The following ADD1 variants were observed in gnomAD, a reference collection of about 807,000 sequenced individuals.
ADD1 encodes the protein adducin 1, also known as alpha-adducin.
In ADD1, 24 loss-of-function variants were observed where a neutral mutation model predicts 80.5. That is an observed-to-expected ratio of 0.30 (90% CI 0.22 to 0.42). The LOEUF is 0.42. ADD1 is among the 10% of genes least tolerant of loss of function. The pLI is 1.00. For synonymous variants in ADD1, 373 were observed against 393.8 expected (o/e 0.95, Z 0.63); for missense variants, 948 against 1,019.0 (o/e 0.93, Z 0.95).
chr4:2,915,532 T>A (rs899809674), intron 14 of ADD1, among the ~76,000 whole-genome samples: 2 of 152,156 alleles, frequency 1.3e-5, no homozygotes, highest in Admixed American at 1.3e-4. Flanking sequence ...TCCCAGCTAC[T>A]TGGGAGGCTG....
chr4:2,880,092 A>G (rs1300855195), intron 2 of ADD1, among the ~76,000 whole-genome samples: 1 of 152,004 alleles, frequency 6.6e-6, no homozygotes, highest in Non-Finnish European at 1.5e-5. Context: ...AATAATCACC[A>G]TGTTTTGTTT....
At chr4:2,852,207 C>CCTGTCCTTT (rs1727294190) in intron 1 of ADD1, among the ~76,000 whole-genome samples, 1 of 66,102 alleles carries the variant, frequency 1.5e-5, no homozygotes, top group Non-Finnish European at 3.0e-5. Flanking sequence ...TCCTTTCTTT[C>CCTGTCCTTT]CTTTCCTTTC....
chr4:2,867,323 C>T (rs1189387436), intron 1 of ADD1, among the ~76,000 whole-genome samples: 1 of 152,156 alleles, frequency 6.6e-6, no homozygotes, highest in Admixed American at 6.5e-5. Context: ...TTTTACTTTA[C>T]AGGTGAGGTA....
intron 1 of ADD1, among the ~76,000 whole-genome samples, chr4:2,860,317 CCTT>C (rs1728664886): frequency 6.6e-6 from 1 of 152,212 alleles, no homozygotes; most frequent in East Asian, 1.9e-4. Context: ...AAACATAAGA[CCTT>C]CTTAATTCAG....
intron 1 of ADD1, among the ~76,000 whole-genome samples, chr4:2,845,750 CTG>C (rs1726104406): frequency 6.6e-6 from 1 of 152,122 alleles, no homozygotes; most frequent in East Asian, 1.9e-4. Context: ...GCCATAAAAA[CTG>C]TTTATTTACA....
At position 2,908,599 on chromosome 4, in the gene ADD1, G is replaced by A. The variant is rs957911196; in HGVS notation, c.1693G>A (p.Val565Ile). 25 of 1,613,930 alleles carry A rather than the reference G, an allele frequency of 1.5e-5. No individual in the cohort carries two copies. Among genetic ancestry groups the A allele is most frequent in the East Asian group, 2.2e-5 (1 of 44,896 alleles). The change falls in exon 12 of 16, where the codon GTC becomes ATC. Residue 565 changes from valine (V) to isoleucine (I), a missense_variant. By Grantham distance (29) the Val-to-Ile change is conservative. Coordinates refer to ENST00000683351, the MANE Select transcript of ADD1 (RefSeq NM_001354761.2). ...LCGVVMDRSL[V>I]QDAPLSDCTE... ...TGGTGTAGTGATGGACAGGAGCCTC[G>A]TCCAGGTGAGAGCCCAGAGTGTCTC...
At chr4:2,870,941 T>G (rs1387080234) in intron 1 of ADD1, among the ~76,000 whole-genome samples, 1 of 34,860 alleles carries the variant, frequency 2.9e-5, no homozygotes, top group Non-Finnish European at 5.7e-5. Context: ...CTGCATGCTG[T>G]TTTTTTTGTA....
chr4:2,900,350 T>A (rs1291446340), intron 9 of ADD1: 1 of 152,404 alleles, frequency 6.6e-6, no homozygotes, highest in African/African-American at 2.4e-5. Context: ...CTGGAACAGA[T>A]CCCTTCCATG....
chr4:2,911,366 G>A (rs1737987955), intron 13 of ADD1, among the ~76,000 whole-genome samples: 1 of 151,936 alleles, frequency 6.6e-6, no homozygotes, highest in South Asian at 2.1e-4. Flanking sequence ...TCAAACAGGA[G>A]TTCGCAGCCC....
chr4:2,871,947 G>T (rs548048278), intron 1 of ADD1, among the ~76,000 whole-genome samples: 7 of 152,178 alleles, frequency 4.6e-5, no homozygotes, highest in African/African-American at 1.7e-4. Flanking sequence ...CCACATATTA[G>T]TTCTCAGATT....
chr4:2,862,792 A>G (rs550815166), intron 1 of ADD1, among the ~76,000 whole-genome samples: 2 of 152,334 alleles, frequency 1.3e-5, no homozygotes, highest in African/African-American at 2.4e-5. Flanking sequence ...CCCTGCAGGA[A>G]TGTAAGAAAT....
intron 13 of ADD1, among the ~76,000 whole-genome samples, chr4:2,914,427 C>T (rs1738628202): frequency 6.6e-6 from 1 of 152,208 alleles, no homozygotes; most frequent in Non-Finnish European, 1.5e-5. Context: ...ACAGAACTTA[C>T]CTGTGCTCTT....
At chr4:2,913,543 G>A (rs139347313) in intron 13 of ADD1, among the ~76,000 whole-genome samples, 604 of 152,302 alleles carry the variant, frequency 4.0e-3, no homozygotes, top group Non-Finnish European at 7.4e-3. Context: ...ACTGTCGAGA[G>A]TCTCCAGGCT....
Position 2,926,423 on chromosome 4 carries a change from C to T in ADD1, c.2047+311C>T, listed in dbSNP as rs1177033728. On this transcript the variant is annotated intron_variant, in intron 15 of 15. Transcript: ENST00000683351. The surrounding 1 kb of genome is among the most constrained non-coding windows in gnomAD (Gnocchi z 5.0). ...CGTGTTGTCATGCAGATGCCACCTT[C>T]GGAGGTGCCCTCCGCTGTGTGAGCC... is the stretch of plus-strand genomic sequence containing the variant. 6 of 692,418 alleles carry T rather than the reference C, an allele frequency of 8.7e-6. No individual in the cohort carries two copies. The highest frequency in any genetic ancestry group is 3.1e-5 in the South Asian group (2 of 64,816). 42.9% of individuals were successfully genotyped at this position (692,418 alleles called of 1,614,324 possible).
chr4:2,869,881 T>C lies in ADD1; in HGVS notation c.-20-6015T>C, dbSNP rs140384718. On this transcript the variant is annotated intron_variant, in intron 1 of 15. Coordinates refer to ENST00000683351, the MANE Select transcript of ADD1 (RefSeq NM_001354761.2). ...GTCGGGTGCCAGGTGGCCAAGGACA[T>C]TACCAGGGGATACCACTTTCATTAT... Among the ~76,000 whole-genome samples the C allele has an allele frequency of 1.1e-3, 166 of 152,294 alleles. 1 individual carries two copies. The highest frequency in any genetic ancestry group is 3.6e-3 in the Admixed American group (55 of 15,286).
intron 14 of ADD1, among the ~76,000 whole-genome samples, chr4:2,924,963 GT>G (rs969006477): frequency 1.3e-5 from 2 of 152,180 alleles, no homozygotes; most frequent in Non-Finnish European, 2.9e-5. Flanking sequence ...GATATGTGGA[GT>G]TTCCCCCCGA....
chr4:2,881,222 C>G (rs756904334), intron 2 of ADD1, among the ~76,000 whole-genome samples: 1 of 151,588 alleles, frequency 6.6e-6, no homozygotes, highest in South Asian at 2.1e-4. Context: ...GGATTACAGG[C>G]GCCCACCACC....
At chr4:2,899,157 T>C (rs1248669114) in intron 8 of ADD1, 102 bp from the exon 9 acceptor site, 4 of 1,178,848 alleles carry the variant, frequency 3.4e-6, no homozygotes, top group Non-Finnish European at 3.6e-6. Flanking sequence ...TCTTACACTC[T>C]AGAGATTTGG....
chr4:2,897,280 T>C (rs1484323776), intron 6 of ADD1, among the ~76,000 whole-genome samples: 1 of 151,996 alleles, frequency 6.6e-6, no homozygotes. Flanking sequence ...AAATGGCATA[T>C]TCTGAGGCCA....
Sources: gnomAD v4.1 joint callset for allele counts (sites outside exome capture counted in the v4.1 genomes callset) on GRCh38, gnomAD v4.1.1 for gene constraint, Gnocchi (gnomAD v3.1) non-coding constraint, MANE v1.5 for transcripts, NCBI Gene and HGNC (gene_info 2026-07-23, HGNC 2026-07-21) for gene names.